The following VWF variants were observed in gnomAD, a reference collection of about 807,000 sequenced individuals.
VWF encodes von Willebrand factor.
Under a neutral mutation model 308.6 loss-of-function variants are expected in VWF, and 176 were observed. The ratio of observed to expected loss-of-function variants is 0.57; its 90% CI spans 0.50 to 0.65. VWF has a LOEUF of 0.65. Ranked by LOEUF, VWF falls within the 30% of genes least tolerant of loss-of-function variation. The pLI is 0.00. For synonymous variants in VWF, 1,385 were observed against 1,443.4 expected, an observed-to-expected ratio of 0.96 and a Z score of 0.92; for missense variants, 3,146 against 3,648.2, an observed-to-expected ratio of 0.86 and a Z score of 3.55.
chr12:6,116,322 A>T (rs1045638271), intron 3 of VWF, among the ~76,000 whole-genome samples: 6 of 152,202 alleles, frequency 3.9e-5, no homozygotes, highest in Non-Finnish European at 8.8e-5. Context: ...CACATATTAG[A>T]GTGAGAGGAA....
Position 5,993,617 on chromosome 12 carries a change from A to G in VWF, c.6598+245T>C, listed in dbSNP as rs558763399. On this transcript the variant is annotated intron_variant, in intron 37 of 51. Transcript: ENST00000261405. ...TTCTACGTGCAGAGTGTATGTGTGT[A>G]TATATATACATATATATGTGTGTGT... is the stretch of plus-strand genomic sequence containing the variant. Among the ~76,000 whole-genome samples the G allele has an allele frequency of 2.7e-4, 39 of 146,236 alleles. 1 individual carries two copies. Among genetic ancestry groups the G allele is most frequent in the African/African-American group, 9.5e-4 (37 of 38,844 alleles).
At chr12:6,101,337 G>C (rs1945159057) in intron 5 of VWF, among the ~76,000 whole-genome samples, 1 of 151,988 alleles carries the variant, frequency 6.6e-6, no homozygotes, top group Non-Finnish European at 1.5e-5. Flanking sequence ...ATGTGGAGCT[G>C]GGAAGAGATA....
intron 3 of VWF, among the ~76,000 whole-genome samples, chr12:6,116,342 C>T (rs1408277343): frequency 6.6e-6 from 1 of 152,190 alleles, no homozygotes; most frequent in Non-Finnish European, 1.5e-5. Flanking sequence ...ATCCTGGGAC[C>T]TTCAGAAGCA....
At position 6,065,217 on chromosome 12, in the gene VWF, T is replaced by C. The variant is rs1438233482; in HGVS notation, c.1213A>G (p.Thr405Ala). The C allele has an allele frequency of 6.2e-6, 10 of 1,613,954 alleles. No individual in the cohort carries two copies. Among genetic ancestry groups the C allele is most frequent in the Admixed American group, 1.7e-5 (1 of 60,002 alleles). Reference sequence around the variant, plus strand: ...AGGTACTGGCAGATCCCACTGAAGGTGAAGTATCTGTTGTCAAAGCTCTTG... The same window carrying C: ...AGGTACTGGCAGATCCCACTGAAGGCGAAGTATCTGTTGTCAAAGCTCTTG... Reference protein sequence around the residue: ...HFKSFDNRYFTFSGICQYLLA... With the variant: ...HFKSFDNRYFAFSGICQYLLA... The change falls in exon 11 of 52, where the codon ACC becomes GCC. Residue 405 changes from threonine (T) to alanine (A), a missense_variant. This residue lies in a region of VWF where 1,304 missense variants were observed against 1,353.0 expected (regional missense o/e 0.96). Transcript: ENST00000261405.
intron 18 of VWF, among the ~76,000 whole-genome samples, chr12:6,039,583 CT>C (rs1235451070): frequency 1.3e-5 from 2 of 152,162 alleles, no homozygotes; most frequent in Admixed American, 6.5e-5. Flanking sequence ...TGAGGTTCCG[CT>C]TTTTTTAAAC....
At chr12:6,053,403 C>T (rs1944541227) in intron 15 of VWF, among the ~76,000 whole-genome samples, 1 of 152,184 alleles carries the variant, frequency 6.6e-6, no homozygotes, top group African/African-American at 2.4e-5. Context: ...CAGCTCTCTG[C>T]AGCCCTAAAG....
intron 42 of VWF, among the ~76,000 whole-genome samples, chr12:5,978,829 A>T (rs1943561068): frequency 6.6e-6 from 1 of 152,202 alleles, no homozygotes; most frequent in South Asian, 2.1e-4. Context: ...CCTAAATACC[A>T]CTTTCACTAA....
In VWF at chr12:6,018,817, C is replaced by T; in HGVS notation, c.4601G>A (p.Ser1534Asn). The T allele has an allele frequency of 1.2e-6, 2 of 1,613,910 alleles. No homozygotes were observed. Among genetic ancestry groups the T allele is most frequent in the Non-Finnish European group, 1.7e-6 (2 of 1,179,862 alleles). ...VIQRMDVGQD[S>N]IHVTVLQYSY... ...GTACTGCAGCACCGTGACGTGGATG[C>T]TGTCCTGGCCCACATCCATCCGCTG... Residue 1534 changes from serine to asparagine, a missense_variant, in exon 28 of 52, where the codon AGC becomes AAC. Physicochemically the swap from Ser to Asn is conservative, Grantham distance 46. Transcript: ENST00000261405.
In VWF at chr12:5,994,139, C is replaced by G; in HGVS notation, c.6321G>C (p.Trp2107Cys). Residue 2107 changes from tryptophan to cysteine, a missense_variant, in exon 37 of 52, where the codon TGG (tryptophan) becomes TGC (cysteine). This residue lies in a region of VWF where 989 missense variants were observed against 1,117.4 expected (regional missense o/e 0.89). Transcript: ENST00000261405. ...CAGTCCATTCCTGAACAAGTGTTTT[C>G]CAGTCTGTGGTGACTGTGCCATCCC... ...MLRDGTVTTD[W>C]KTLVQEWTVQ... The G allele has an allele frequency of 1.2e-6, 2 of 1,614,188 alleles. No homozygotes were observed. The highest frequency in any genetic ancestry group is 1.7e-6 in the Non-Finnish European group (2 of 1,180,026).
At chr12:6,096,310 A>G (rs531149722) in intron 5 of VWF, among the ~76,000 whole-genome samples, 1 of 152,082 alleles carries the variant, frequency 6.6e-6, no homozygotes, top group Non-Finnish European at 1.5e-5. Flanking sequence ...CTTCTTCAAG[A>G]TGCAGCTCAA....
chr12:6,066,367 C>A (rs932019445), intron 10 of VWF, among the ~76,000 whole-genome samples: 1 of 152,234 alleles, frequency 6.6e-6, no homozygotes, highest in Non-Finnish European at 1.5e-5. Context: ...ATTTCCTCCA[C>A]CTGCTCTCAT....
In VWF at chr12:6,117,843, G is replaced by A. The variant is rs149234552; in HGVS notation, c.220+3331C>T. On this transcript the variant is annotated intron_variant, in intron 3 of 51. Coordinates refer to ENST00000261405, the MANE Select transcript of VWF (RefSeq NM_000552.5). ...CATTTCAAAAGATGAGGAATTGGAG[G>A]CTAAGACAGCACAACTGCCCTCGGA... Among the ~76,000 whole-genome samples, 813 of 152,276 alleles carry A rather than the reference G, an allele frequency of 5.3e-3. 5 individuals are homozygous for A. The highest frequency in any genetic ancestry group is 9.5e-3 in the Non-Finnish European group (645 of 68,018).
chr12:6,079,543 A>G lies in VWF; in HGVS notation c.658-3992T>C, dbSNP rs537951001. On this transcript the variant is annotated intron_variant, in intron 6 of 51. Coordinates refer to ENST00000261405, the MANE Select transcript of VWF (RefSeq NM_000552.5). ...GAGAATGGCATGAAGCCGGGAGGCA[A>G]CGCTTGCAGTGAGCTGAGATCGCAC... Among the ~76,000 whole-genome samples the G allele has an allele frequency of 2.9e-3, 441 of 151,952 alleles. 4 individuals carry two copies. Among genetic ancestry groups the G allele is most frequent in the Non-Finnish European group, 4.2e-3 (287 of 67,928 alleles).
intron 27 of VWF, 125 bp downstream of exon 27, chr12:6,021,775 A>G (rs1944131556): frequency 1.7e-5 from 19 of 1,149,800 alleles, no homozygotes; most frequent in Non-Finnish European, 2.4e-5. Context: ...TAAATAAACA[A>G]ATAAAATAAA....
chr12:6,004,031 C>G (rs1023838423), intron 34 of VWF, among the ~76,000 whole-genome samples: 1 of 151,910 alleles, frequency 6.6e-6, no homozygotes, highest in Non-Finnish European at 1.5e-5. Flanking sequence ...GTTAGCCAGG[C>G]TGGTCTCAAT....
chr12:6,108,814 T>C (rs1945272372), intron 5 of VWF, among the ~76,000 whole-genome samples: 1 of 151,844 alleles, frequency 6.6e-6, no homozygotes, highest in Non-Finnish European at 1.5e-5. Flanking sequence ...ACCCTGTCTC[T>C]ACTAAAAATA....
chr12:6,099,137 T>C lies in VWF; in HGVS notation c.533-3553A>G, dbSNP rs376644215. 2.6e-3 allele frequency among the ~76,000 whole-genome samples: 397 copies of C among 152,050 alleles called. 1 individual carries two copies. Among genetic ancestry groups the C allele is most frequent in the African/African-American group, 8.6e-3 (356 of 41,494 alleles). On this transcript the variant is annotated intron_variant, in intron 5 of 51. Coordinates refer to ENST00000261405, the MANE Select transcript of VWF (RefSeq NM_000552.5). ...GAGTTCAAGATCAGCCTGTCCAACA[T>C]GGTGAAACCCTGTTTCTACTAAAAC...
intron 38 of VWF, among the ~76,000 whole-genome samples, chr12:5,991,001 G>A (rs189129278): frequency 3.8e-4 from 57 of 151,218 alleles, no homozygotes; most frequent in African/African-American, 1.3e-3. Flanking sequence ...GATCTTTGGA[G>A]TCACATAGAG....
chr12:6,007,677 G>A (rs534670016), intron 34 of VWF, among the ~76,000 whole-genome samples: 11 of 152,008 alleles, frequency 7.2e-5, no homozygotes, highest in East Asian at 1.9e-4. Flanking sequence ...AAACTAAGCC[G>A]TAAGTTAGCA....
Sources: gnomAD v4.1 joint callset for allele counts (sites outside exome capture counted in the v4.1 genomes callset) on GRCh38, gnomAD v4.1.1 for gene constraint, gnomAD v4.1.1 regional missense constraint, MANE v1.5 for transcripts, NCBI Gene and HGNC (gene_info 2026-07-23, HGNC 2026-07-21) for gene names.